Variants in RNPEP observed in about 807,000 individuals in gnomAD.
The protein encoded by RNPEP is arginyl aminopeptidase.
A neutral mutation model predicts 70.1 loss-of-function variants in RNPEP; 57 were observed. The ratio of observed to expected loss-of-function variants is 0.81; its 90% CI spans 0.66 to 1.01. The LOEUF is 1.01. RNPEP is among the 50% of genes least tolerant of loss of function. RNPEP has a pLI of 0.00. For synonymous variants in RNPEP, 335 were observed against 357.4 expected (o/e 0.94, Z 0.71); for missense variants, 787 against 852.4 (o/e 0.92, Z 0.96).
At position 201,988,977 on chromosome 1, in the gene RNPEP, T is replaced by C; in HGVS notation, c.521T>C (p.Leu174Pro). Residue 174 changes from leucine to proline, a missense_variant, in exon 2 of 11, where the codon CTA becomes CCA. Coordinates refer to ENST00000295640, the MANE Select transcript of RNPEP (RefSeq NM_020216.4). ...GTGTACACCCAGGGCCAGGCTGTCC[T>C]AAACCGGGCCTTCTTCCCTTGCTTC... is the stretch of plus-strand genomic sequence containing the variant. ...PFVYTQGQAV[L>P]NRAFFPCFDT... 1 of 1,614,210 alleles carries C rather than the reference T, an allele frequency of 6.2e-7. No individual in the cohort carries two copies. The highest frequency in any genetic ancestry group is 8.5e-7 in the Non-Finnish European group (1 of 1,180,032).
At chr1:201,983,750 G>T in intron 1 of RNPEP, 1 of 1,111,536 alleles carries the variant, frequency 9.0e-7, no homozygotes, top group African/African-American at 1.7e-5. Context: ...CTCACTGTTG[G>T]TTAACTCTTT....
rs756476213 is a variant in RNPEP at position 201,996,258 on chromosome 1, G to A, written c.849G>A (p.Trp283Ter). The change falls in exon 4 of 11, where the codon TGG becomes TGA. Residue 283 changes from tryptophan (W) to a stop codon, truncating the protein, a stop_gained. Transcript: ENST00000295640. LOFTEE classifies it high-confidence loss of function. ...TGEKLFGPYV[W>*]GRYDLLFMPP... ...AGAAGCTTTTTGGACCTTATGTTTG[G>A]GGAAGGTGTGGTATCACATTGACTC... 4.7e-5 allele frequency: 76 copies of A among 1,600,906 alleles called. No individual in the cohort carries two copies. The highest frequency in any genetic ancestry group is 1.0e-4 in the Admixed American group (6 of 59,958).
rs753146950 is a variant in RNPEP, at chr1:201,997,546, T to C, written c.1082T>C (p.Ile361Thr). The C allele has an allele frequency of 1.1e-5, 18 of 1,612,698 alleles. No homozygotes were observed. The South Asian group carries it at 2.0e-4, about 18-fold the overall frequency. ...TMYAQRRIST[I>T]LFGAAYTCLE... ...TACGCCCAGAGGAGGATCTCCACCA[T>C]CCTCTTTGGTAAAGTGCCCACCCCT... The change falls in exon 5 of 11, where the codon ATC becomes ACC. Residue 361 changes from isoleucine (I) to threonine (T), a missense_variant. Ile to Thr is a moderately conservative substitution (Grantham distance 89, BLOSUM62 -1). Transcript: ENST00000295640.
At position 201,982,676 on chromosome 1, in the gene RNPEP, G is replaced by C; in HGVS notation, c.10G>C (p.Gly4Arg). 8.0e-6 allele frequency: 11 copies of C among 1,378,662 alleles called. No homozygotes were observed. Among genetic ancestry groups the C allele is most frequent in the Non-Finnish European group, 1.0e-5 (11 of 1,060,992 alleles). 85.4% of individuals were successfully genotyped at this position (1,378,662 alleles called of 1,614,324 possible). A position where few individuals can be genotyped will look rare whatever the true frequency, so the allele number is the denominator to read the frequency against. The part of the protein sequence containing the change: MAS[G>R]EHSPGSGAAR... ...CAACGGCTCTGCGGCCATGGCGAGC[G>C]GCGAGCATTCCCCCGGCAGCGGCGC... Residue 4 changes from glycine (G) to arginine (R), a missense_variant, in exon 1 of 11, where the codon GGC (glycine) becomes CGC (arginine). Gly to Arg is a moderately radical substitution (Grantham distance 125). Coordinates refer to ENST00000295640, the MANE Select transcript of RNPEP (RefSeq NM_020216.4).
chr1:202,001,817 G>A, intron 8 of RNPEP, 50 bp downstream of exon 8: 1 of 1,145,426 alleles, frequency 8.7e-7, no homozygotes, highest in Admixed American at 1.7e-5. Flanking sequence ...TAGAGAATGA[G>A]ATCTCATTGA....
In RNPEP at chr1:201,982,699, C is replaced by T. The variant is rs1309931155; in HGVS notation, c.33C>T (p.Gly11=). ...GCGGCGAGCATTCCCCCGGCAGCGG[C>T]GCGGCCCGGCGGCCGCTGCACTCCG... MASGEHSPGS[G]AARRPLHSAQ... is the part of the protein sequence containing the mutation. The change falls in exon 1 of 11, where the codon GGC becomes GGT. Residue 11 remains glycine, a synonymous_variant. Transcript: ENST00000295640. The T allele has an allele frequency of 2.9e-6, 4 of 1,396,684 alleles. No homozygotes were observed. The highest frequency in any genetic ancestry group is 2.8e-6 in the Non-Finnish European group (3 of 1,069,488). The allele number at this position is 1,396,684 out of a possible 1,614,324, so 86.5% of individuals were successfully genotyped here. A position where few individuals can be genotyped will look rare whatever the true frequency, so the allele number is the denominator to read the frequency against.
At chr1:201,986,476 A>T (rs1233296898) in intron 1 of RNPEP, among the ~76,000 whole-genome samples, 2 of 150,578 alleles carry the variant, frequency 1.3e-5, no homozygotes, top group Non-Finnish European at 2.9e-5. Context: ...TTTTCTCATG[A>T]TTAGATTGGG....
chr1:202,004,571 G>C, intron 10 of RNPEP, 75 bp downstream of exon 10: 1 of 1,558,814 alleles, frequency 6.4e-7, no homozygotes, highest in Non-Finnish European at 8.7e-7. Flanking sequence ...AATCATGTGG[G>C]CAGGGCTCAT....
intron 3 of RNPEP, among the ~76,000 whole-genome samples, chr1:201,994,338 G>C (rs1353958012): frequency 6.6e-6 from 1 of 152,136 alleles, no homozygotes; most frequent in Non-Finnish European, 1.5e-5. Context: ...GGCTTAAAAT[G>C]CTCCCATGGC....
At chr1:201,990,956 GATA>G (rs1274863402) in intron 3 of RNPEP, among the ~76,000 whole-genome samples, 1 of 152,176 alleles carries the variant, frequency 6.6e-6, no homozygotes, top group Admixed American at 6.5e-5. Flanking sequence ...GATACTGAGT[GATA>G]ATGATTTCTT....
At chr1:201,997,648 GGT>G in intron 5 of RNPEP, 94 bp downstream of exon 5, 1 of 903,126 alleles carries the variant, frequency 1.1e-6, no homozygotes, top group Non-Finnish European at 1.7e-6. Flanking sequence ...AATACAAGTG[GGT>G]GTGAAGAGAC....
intron 6 of RNPEP, 72 bp from the exon 7 acceptor site, chr1:202,001,304 T>C: frequency 9.7e-7 from 1 of 1,035,160 alleles, no homozygotes; most frequent in South Asian, 1.3e-5. Context: ...TCTTTGACTG[T>C]GGAGCTAGAG....
intron 1 of RNPEP, chr1:201,983,484 T>G: frequency 7.4e-7 from 1 of 1,360,234 alleles, no homozygotes; most frequent in Non-Finnish European, 9.7e-7. Flanking sequence ...TTCATGCACT[T>G]CACTTAGTGC....
At chr1:201,987,661 C>T (rs1019969262) in intron 1 of RNPEP, among the ~76,000 whole-genome samples, 14 of 151,762 alleles carry the variant, frequency 9.2e-5, no homozygotes, top group African/African-American at 2.4e-4. Flanking sequence ...AGGTCACGAA[C>T]GCCTGACCTC....
intron 8 of RNPEP, 62 bp downstream of exon 8, chr1:202,001,829 A>T: frequency 9.2e-7 from 1 of 1,086,780 alleles, no homozygotes; most frequent in South Asian, 1.3e-5. Flanking sequence ...TCTCATTGAC[A>T]CTCGGAAAGA....
chr1:201,984,731 T>C (rs1001461518), intron 1 of RNPEP, among the ~76,000 whole-genome samples: 1 of 152,088 alleles, frequency 6.6e-6, no homozygotes, highest in African/African-American at 2.4e-5. Flanking sequence ...ATAGGTTAAA[T>C]GAGTTGTCTT....
intron 1 of RNPEP, 131 bp from the exon 2 acceptor site, chr1:201,988,773 C>A: frequency 8.7e-7 from 1 of 1,146,614 alleles, no homozygotes; most frequent in Non-Finnish European, 1.2e-6. Context: ...CTTTCTAGTT[C>A]AAACCAGACT....
Position 202,005,826 on chromosome 1 carries a change from A to G in RNPEP, c.*110A>G, listed in dbSNP as rs1684042501. The G allele has an allele frequency of 6.3e-6, 8 of 1,260,588 alleles. No individual in the cohort carries two copies. The highest frequency in any genetic ancestry group is 1.3e-5 in the South Asian group (1 of 75,474). 78.1% of individuals were successfully genotyped at this position (1,260,588 alleles called of 1,614,324 possible). ...AACTTCCTGGAGTTTATATCCCCTCAGGATAATCTATTCTCTAGCTTAGGT... is the reference window on the plus strand; with the variant it reads ...AACTTCCTGGAGTTTATATCCCCTCGGGATAATCTATTCTCTAGCTTAGGT... On this transcript the variant is annotated 3_prime_UTR_variant, in exon 11 of 11. Transcript: ENST00000295640.
intron 1 of RNPEP, 85 bp downstream of exon 1, chr1:201,983,198 G>A (rs1683004156): frequency 2.2e-6 from 3 of 1,389,480 alleles, no homozygotes; most frequent in Non-Finnish European, 2.7e-6. Flanking sequence ...ACCCCACCCG[G>A]GAGGAGGGAC....
Sources: allele counts gnomAD v4.1 joint callset (sites outside exome capture counted in the v4.1 genomes callset), GRCh38; gene constraint gnomAD v4.1.1; transcripts MANE v1.5; gene names NCBI Gene and HGNC (gene_info 2026-07-23, HGNC 2026-07-21).